Variants in GPC5 observed in about 807,000 individuals in gnomAD.
The protein encoded by GPC5 is glypican-5.
Under a neutral mutation model 53.9 loss-of-function variants are expected in GPC5, and 47 were observed. That is an observed-to-expected ratio of 0.87 (90% CI 0.69 to 1.11). GPC5 has a LOEUF of 1.11. Ranked by LOEUF, GPC5 falls within the 50% of genes most tolerant of loss-of-function variation. The pLI, the probability that GPC5 is intolerant of heterozygous loss-of-function variation, is 0.00. For synonymous variants in GPC5, 286 were observed against 263.3 expected (o/e 1.09, Z -0.84); for missense variants, 748 against 713.1 (o/e 1.05, Z -0.56).
chr13:91,546,468 C>A (rs1304112123), intron 2 of GPC5, among the ~76,000 whole-genome samples: 1 of 151,974 alleles, frequency 6.6e-6, no homozygotes, highest in African/African-American at 2.4e-5. Context: ...TTTTGATAAG[C>A]CAAACAATTC....
At chr13:92,066,868 A>G (rs1396396087) in intron 6 of GPC5, among the ~76,000 whole-genome samples, 2 of 152,020 alleles carry the variant, frequency 1.3e-5, no homozygotes, top group African/African-American at 4.8e-5. Context: ...GAAAGAGGAG[A>G]ACATTAATTC....
chr13:92,816,720 A>C (rs1877489328), intron 7 of GPC5, among the ~76,000 whole-genome samples: 1 of 152,016 alleles, frequency 6.6e-6, no homozygotes, highest in Non-Finnish European at 1.5e-5. Context: ...AACTCAGGGT[A>C]CATAGTGCTT....
chr13:91,498,145 C>CCA (rs921912529), intron 2 of GPC5, among the ~76,000 whole-genome samples: 15 of 151,628 alleles, frequency 9.9e-5, no homozygotes, highest in East Asian at 1.9e-4. Context: ...CCACCCGCCG[C>CCA]CACACACACA....
intron 7 of GPC5, among the ~76,000 whole-genome samples, chr13:92,425,732 T>A (rs948148656): frequency 2.0e-5 from 3 of 152,130 alleles, no homozygotes; most frequent in Non-Finnish European, 4.4e-5. Flanking sequence ...TCTTGGCTCC[T>A]CACTAGGAAA....
intron 7 of GPC5, among the ~76,000 whole-genome samples, chr13:92,582,442 G>A (rs1015912236): frequency 4.6e-5 from 7 of 152,040 alleles, no homozygotes; most frequent in African/African-American, 7.2e-5. Context: ...ATTGGGTTAT[G>A]TGATTCTCTC....
At chr13:92,368,559 G>A (rs1411299935) in intron 7 of GPC5, among the ~76,000 whole-genome samples, 1 of 142,108 alleles carries the variant, frequency 7.0e-6, no homozygotes, top group Admixed American at 7.7e-5. Flanking sequence ...CAGGAGAATC[G>A]CTTGAACCTG....
intron 2 of GPC5, among the ~76,000 whole-genome samples, chr13:91,630,649 C>T (rs1442499762): frequency 6.6e-6 from 1 of 152,050 alleles, no homozygotes; most frequent in Non-Finnish European, 1.5e-5. Context: ...GGGCCTGTCC[C>T]CAAATTACAG....
At chr13:91,613,444 A>G (rs2033613929) in intron 2 of GPC5, among the ~76,000 whole-genome samples, 1 of 152,194 alleles carries the variant, frequency 6.6e-6, no homozygotes, top group South Asian at 2.1e-4. Flanking sequence ...GGGCTCTCCC[A>G]CAACATGTGA....
chr13:92,615,815 G>A (rs1429721386), intron 7 of GPC5, among the ~76,000 whole-genome samples: 1 of 152,106 alleles, frequency 6.6e-6, no homozygotes, highest in Non-Finnish European at 1.5e-5. Flanking sequence ...AGCACTTTGG[G>A]AGGCCGAGGC....
intron 7 of GPC5, among the ~76,000 whole-genome samples, chr13:92,197,805 C>T (rs993622094): frequency 3.3e-5 from 5 of 151,930 alleles, no homozygotes; most frequent in East Asian, 1.9e-4. Context: ...CATGAGTCAC[C>T]GAGCCAGGCA....
intron 7 of GPC5, among the ~76,000 whole-genome samples, chr13:92,155,193 C>A (rs1263181307): frequency 6.6e-6 from 1 of 152,036 alleles, no homozygotes; most frequent in African/African-American, 2.4e-5. Context: ...GTCCTTTAGT[C>A]TTAAAAATTA....
intron 7 of GPC5, among the ~76,000 whole-genome samples, chr13:92,619,272 T>C (rs74715309): frequency 0.028 from 4,261 of 152,102 alleles, 207 homozygotes; most frequent in African/African-American, 0.098. Flanking sequence ...TTAATTTTTA[T>C]GTCACATTGC....
intron 7 of GPC5, among the ~76,000 whole-genome samples, chr13:92,832,896 T>C (rs1006601420): frequency 1.3e-5 from 2 of 152,136 alleles, no homozygotes; most frequent in Non-Finnish European, 1.5e-5. Flanking sequence ...TAATCCCAGC[T>C]ACTTGGAAGG....
At chr13:91,563,376 A>T (rs957745288) in intron 2 of GPC5, among the ~76,000 whole-genome samples, 9 of 152,106 alleles carry the variant, frequency 5.9e-5, no homozygotes, top group Admixed American at 5.2e-4. Flanking sequence ...AGTAGCAATT[A>T]AAAAAAATTC....
intron 2 of GPC5, among the ~76,000 whole-genome samples, chr13:91,480,957 GT>G (rs11374638): frequency 0.022 from 3,217 of 148,244 alleles, 110 homozygotes; most frequent in African/African-American, 0.073. Context: ...TATCTTGGAG[GT>G]TTTTTTTTTT....
intron 6 of GPC5, among the ~76,000 whole-genome samples, chr13:92,086,432 A>C (rs558693630): frequency 1.1e-4 from 16 of 152,150 alleles, no homozygotes; most frequent in Non-Finnish European, 2.2e-4. Context: ...ACTCCAATTT[A>C]AGCACCCACA....
At chr13:92,012,705 G>A (rs17188283) in intron 6 of GPC5, among the ~76,000 whole-genome samples, 15,449 of 152,274 alleles carry the variant, frequency 0.1, 1,095 homozygotes, top group Admixed American at 0.17. Flanking sequence ...TGGTCACAGA[G>A]TAATAATACT....
chr13:92,219,798 G>T (rs1487937168), intron 7 of GPC5, among the ~76,000 whole-genome samples: 1 of 152,078 alleles, frequency 6.6e-6, no homozygotes, highest in Non-Finnish European at 1.5e-5. Context: ...GACTGATTGT[G>T]GACCACTACT....
At chr13:92,271,799 A>C (rs1337048329) in intron 7 of GPC5, among the ~76,000 whole-genome samples, 2 of 152,226 alleles carry the variant, frequency 1.3e-5, no homozygotes, top group African/African-American at 4.8e-5. Flanking sequence ...AGTAGGAAAG[A>C]AATTACACTG....
Sources: gnomAD v4.1 joint callset for allele counts (sites outside exome capture counted in the v4.1 genomes callset) on GRCh38, gnomAD v4.1.1 for gene constraint, MANE v1.5 for transcripts, NCBI Gene and HGNC (gene_info 2026-07-23, HGNC 2026-07-21) for gene names.